Variants in GUCY2D observed in about 807,000 individuals in gnomAD.
The protein encoded by GUCY2D is guanylate cyclase 2D, retinal, also known as retinal guanylyl cyclase 1.
In GUCY2D, 70 loss-of-function variants were observed where a neutral mutation model predicts 101.3. That is an observed-to-expected ratio of 0.69 (90% CI 0.57 to 0.84). GUCY2D has a LOEUF of 0.84. Ranked by LOEUF, GUCY2D falls within the 40% of genes least tolerant of loss-of-function variation. The probability of loss-of-function intolerance (pLI) is 0.00; values close to 1 mark genes in which losing one functional copy is unlikely to be tolerated. For synonymous variants in GUCY2D, 688 were observed against 670.7 expected (o/e 1.03, Z -0.40); for missense variants, 1,460 against 1,542.5 (o/e 0.95, Z 0.90).
chr17:8,016,695 G>C, intron 19 of GUCY2D, 141 bp downstream of exon 19: 1 of 595,326 alleles, frequency 1.7e-6, no homozygotes, highest in East Asian at 2.8e-5. Context: ...TCCCCTGGGA[G>C]GGAAGCAGCC....
intron 17 of GUCY2D, 27 bp from the exon 18 acceptor site, chr17:8,016,178 G>T: frequency 6.6e-7 from 1 of 1,506,630 alleles, no homozygotes; most frequent in Non-Finnish European, 9.1e-7. Context: ...GTCCGCCTAA[G>T]TCCTTCCCTC....
Position 8,015,206 on chromosome 17 carries a change from TCCTTCCACTAGCAA to T in GUCY2D, c.2770-118_2770-105del, listed in dbSNP as rs1598150943. ...TTTATTCCTCCAGTCCCCAGCTCAG[TCCTTCCACTAGCAA>T]CCTGGTTCTGCACTAACCCCAGGTG... is the stretch of plus-strand genomic sequence containing the variant. On this transcript the variant is annotated intron_variant, in intron 14 of 19. Coordinates refer to ENST00000254854, the MANE Select transcript of GUCY2D (RefSeq NM_000180.4). 16 of 1,097,910 alleles carry T rather than the reference TCCTTCCACTAGCAA, an allele frequency of 1.5e-5. No homozygotes were observed. The East Asian group carries it at 4.0e-4, about 27-fold the overall frequency. 68.0% of individuals were successfully genotyped at this position (1,097,910 alleles called of 1,614,324 possible).
In GUCY2D at chr17:8,003,231, T is replaced by C; in HGVS notation, c.184T>C (p.Trp62Arg). ...AVFTVGVLGP[W>R]ACDPIFSRAR... The stretch of plus-strand genomic sequence containing the variant: ...GTTCACGGTGGGGGTCCTGGGCCCC[T>C]GGGCTTGCGACCCCATCTTCTCTCG... Residue 62 changes from tryptophan (W) to arginine (R), a missense_variant, in exon 2 of 20, where the codon TGG (tryptophan) becomes CGG (arginine). Around this residue, in one of 3 missense-constraint regions of GUCY2D, gnomAD observed 1,196 missense variants for 1,229.6 expected, o/e 0.97. Coordinates refer to ENST00000254854, the MANE Select transcript of GUCY2D (RefSeq NM_000180.4). 6.6e-7 allele frequency: 1 copy of C among 1,518,510 alleles called. No homozygotes were observed. The highest frequency in any genetic ancestry group is 1.4e-5 in the African/African-American group (1 of 69,418). 94.1% of individuals were successfully genotyped at this position (1,518,510 alleles called of 1,614,324 possible).
chr17:8,018,247 G>C (rs1318964045), intron 19 of GUCY2D, among the ~76,000 whole-genome samples: 1 of 152,190 alleles, frequency 6.6e-6, no homozygotes, highest in African/African-American at 2.4e-5. Flanking sequence ...GACAGTGAGA[G>C]GGAATTCCGG....
rs770358984 is a variant in GUCY2D, at chr17:8,014,057, G to C, written c.2412+29G>C. 2 of 1,603,890 alleles carry C rather than the reference G, an allele frequency of 1.2e-6. No individual in the cohort carries two copies. The highest frequency in any genetic ancestry group is 1.7e-6 in the Non-Finnish European group (2 of 1,174,588). On this transcript the variant is annotated intron_variant, in intron 12 of 19. Coordinates refer to ENST00000254854, the MANE Select transcript of GUCY2D (RefSeq NM_000180.4). This position sits in a 1 kb window ranked among gnomAD's most constrained non-coding sequence, Gnocchi z 4.0. ...AGGGGCTGGGAGTGGGCAAGGACTG[G>C]GCTGGCCTCTGGGATCCCAGATGCT...
In GUCY2D at chr17:8,012,529, T is replaced by C; in HGVS notation, c.2036T>C (p.Val679Ala). 6.2e-7 allele frequency: 1 copy of C among 1,613,978 alleles called. No homozygotes were observed. Among genetic ancestry groups the C allele is most frequent in the Non-Finnish European group, 8.5e-7 (1 of 1,179,910 alleles). ...SRNCIVDGRF[V>A]LKITDHGHGR... ...AACTGCATAGTGGATGGCAGATTCG[T>C]ACTCAAGATCACTGACCACGGCCAC... The change falls in exon 10 of 20, where the codon GTA (valine) becomes GCA (alanine). Residue 679 changes from valine to alanine, a missense_variant. By Grantham distance (64) the Val-to-Ala change is moderately conservative (BLOSUM62 0). Coordinates refer to ENST00000254854, the MANE Select transcript of GUCY2D (RefSeq NM_000180.4).
intron 19 of GUCY2D, among the ~76,000 whole-genome samples, chr17:8,018,716 C>T (rs1216203894): frequency 2.6e-5 from 4 of 152,094 alleles, no homozygotes; most frequent in Non-Finnish European, 4.4e-5. Context: ...CCACAGACTC[C>T]GAGACACCAA....
chr17:8,014,187 A>AT lies in GUCY2D; in HGVS notation c.2412+161dup, dbSNP rs1782843835. ...TGAAGACTCGGAGTTTGGGGGCAGAATTGGAATGGGGGCTGTGGAGGCTTT... is the reference window on the plus strand; with the variant it reads ...TGAAGACTCGGAGTTTGGGGGCAGAATTTGGAATGGGGGCTGTGGAGGCTTT... On this transcript the variant is annotated intron_variant, in intron 12 of 19. Transcript: ENST00000254854. The surrounding 1 kb of genome is among the most constrained non-coding windows in gnomAD (Gnocchi z 4.0). 1 of 717,058 alleles carries AT rather than the reference A, an allele frequency of 1.4e-6. No homozygotes were observed. The allele number at this position is 717,058 out of a possible 1,614,324, so 44.4% of individuals were successfully genotyped here.
Position 8,014,515 on chromosome 17 carries a change from C to T in GUCY2D, c.2413-86C>T. ...GGGGTTGGGGTTCAGAGTGAACAGC[C>T]CCATGAGAGGGCCCATGAGGGGGGC... On this transcript the variant is annotated intron_variant, in intron 12 of 19. Transcript: ENST00000254854. The surrounding 1 kb of genome is among the most constrained non-coding windows in gnomAD (Gnocchi z 4.0). The T allele has an allele frequency of 7.9e-7, 1 of 1,267,144 alleles. No individual in the cohort carries two copies. Among genetic ancestry groups the T allele is most frequent in the African/African-American group, 1.5e-5 (1 of 68,378 alleles). The allele number at this position is 1,267,144 out of a possible 1,614,324, so 78.5% of individuals were successfully genotyped here. A position where few individuals can be genotyped will look rare whatever the true frequency, so the allele number is the denominator to read the frequency against.
In GUCY2D at chr17:8,014,534, G is replaced by A; in HGVS notation, c.2413-67G>A. The A allele has an allele frequency of 2.1e-6, 3 of 1,447,140 alleles. No individual in the cohort carries two copies. The highest frequency in any genetic ancestry group is 2.3e-5 in the East Asian group (1 of 44,096). The allele number at this position is 1,447,140 out of a possible 1,614,324, so 89.6% of individuals were successfully genotyped here. The stretch of plus-strand genomic sequence containing the variant: ...AACAGCCCCATGAGAGGGCCCATGA[G>A]GGGGGCATAAAGAGGGCATGGCAAC... On this transcript the variant is annotated intron_variant, in intron 12 of 19. Transcript: ENST00000254854. This position sits in a 1 kb window ranked among gnomAD's most constrained non-coding sequence, Gnocchi z 4.0.
Position 8,016,522 on chromosome 17 carries a change from T to C in GUCY2D, c.3304T>C (p.Phe1102Leu). ...RKLEKARPGQ[F>L]S The stretch of plus-strand genomic sequence containing the variant: ...GCTGGAGAAGGCGCGGCCGGGCCAG[T>C]TCTCTTGAGAAGTGAGGCCCGGCCC... The change falls in exon 19 of 20, where the codon TTC (phenylalanine) becomes CTC (leucine). Residue 1102 changes from phenylalanine to leucine, a missense_variant. Coordinates refer to ENST00000254854, the MANE Select transcript of GUCY2D (RefSeq NM_000180.4). The C allele has an allele frequency of 6.4e-7, 1 of 1,563,630 alleles. No homozygotes were observed.
In GUCY2D at chr17:8,015,915, C is replaced by T; in HGVS notation, c.3044-12C>T. ...GTGAGTCCCGAGCTCACGGCGTCCC[C>T]CACCGCCACAGCTTACCGCATCCAC... On this transcript the variant is annotated splice_polypyrimidine_tract_variant and intron_variant, in intron 16 of 19. Coordinates refer to ENST00000254854, the MANE Select transcript of GUCY2D (RefSeq NM_000180.4). 1 of 1,605,682 alleles carries T rather than the reference C, an allele frequency of 6.2e-7. No individual in the cohort carries two copies. Among genetic ancestry groups the T allele is most frequent in the Non-Finnish European group, 8.5e-7 (1 of 1,176,038 alleles).
intron 7 of GUCY2D, among the ~76,000 whole-genome samples, chr17:8,008,828 CA>C (rs1320730418): frequency 6.6e-6 from 1 of 152,240 alleles, no homozygotes; most frequent in Non-Finnish European, 1.5e-5. Context: ...CATTTATTTC[CA>C]AATGCTCCTT....
rs571236000 is a variant in GUCY2D, at chr17:8,014,739, C to A, written c.2551C>A (p.Arg851=). 1 of 1,391,990 alleles carries A rather than the reference C, an allele frequency of 7.2e-7. No individual in the cohort carries two copies. Among genetic ancestry groups the A allele is most frequent in the Non-Finnish European group, 9.6e-7 (1 of 1,040,368 alleles). The allele number at this position is 1,391,990 out of a possible 1,614,324, so 86.2% of individuals were successfully genotyped here. ...GGAGCTGGAAAAGCAGAAGACAGAC[C>A]GGCTGCTTACACAGATGCTGCCTCC... The part of the protein sequence containing the change: ...ELELEKQKTD[R]LLTQMLPPSV... The change falls in exon 13 of 20, where the codon CGG becomes AGG. Residue 851 remains arginine (R), a synonymous_variant. Transcript: ENST00000254854. The surrounding 1 kb of genome is among the most constrained non-coding windows in gnomAD (Gnocchi z 4.0).
chr17:8,010,144 G>A (rs1017764103), intron 8 of GUCY2D, among the ~76,000 whole-genome samples: 10 of 152,130 alleles, frequency 6.6e-5, no homozygotes, highest in African/African-American at 2.4e-4. Flanking sequence ...TAAGCTGAGT[G>A]AGGGCCTCCT....
At position 8,002,663 on chromosome 17, in the gene GUCY2D, C is replaced by A. The variant is rs1021857627; in HGVS notation, c.-81C>A. 1.9e-5 allele frequency: 4 copies of A among 214,706 alleles called. No homozygotes were observed. Among genetic ancestry groups the A allele is most frequent in the Non-Finnish European group, 3.7e-5 (4 of 108,926 alleles). The allele number at this position is 214,706 out of a possible 1,614,324, so 13.3% of individuals were successfully genotyped here. ...TGGGCTGGCAAGGAAGACCTGTGGG[C>A]GGGCGTCAAAAGGGGGACCGGCCCT... On this transcript the variant is annotated 5_prime_UTR_variant, in exon 1 of 20. Coordinates refer to ENST00000254854, the MANE Select transcript of GUCY2D (RefSeq NM_000180.4). The surrounding 1 kb of genome is among the most constrained non-coding windows in gnomAD (Gnocchi z 4.9).
intron 6 of GUCY2D, 118 bp from the exon 7 acceptor site, chr17:8,007,813 C>T (rs1975775234): frequency 1.4e-6 from 1 of 726,050 alleles, no homozygotes; most frequent in Non-Finnish European, 2.5e-6. Flanking sequence ...TTATCACCTT[C>T]CCTCATTGAG....
rs1270430352 is a variant in GUCY2D at position 8,012,186 on chromosome 17, C to A, written c.1792C>A (p.Leu598Ile). ...TGAGAACGTGGCCCTCTACCTGGGG[C>A]TTTTCCTGGCTCGGGGAGCAGAAGG... Reference protein sequence around the residue: ...RHENVALYLGLFLARGAEGPA... With the variant: ...RHENVALYLGIFLARGAEGPA... Residue 598 changes from leucine to isoleucine, a missense_variant, in exon 9 of 20, where the codon CTT (leucine) becomes ATT (isoleucine). Around this residue, in one of 3 missense-constraint regions of GUCY2D, gnomAD observed 1,196 missense variants for 1,229.6 expected, o/e 0.97. Coordinates refer to ENST00000254854, the MANE Select transcript of GUCY2D (RefSeq NM_000180.4). 6.2e-7 allele frequency: 1 copy of A among 1,614,006 alleles called. No homozygotes were observed. The highest frequency in any genetic ancestry group is 1.3e-5 in the African/African-American group (1 of 74,938).
In GUCY2D at chr17:8,011,432, G is replaced by C. The variant is rs1598148640; in HGVS notation, c.1750-712G>C. Reference sequence around the variant, plus strand: ...AAAGAAAGTGGCACCGCTCCTCCCTGGCTCTCCCAGCAAAGGCTGTTAAAT... The same window carrying C: ...AAAGAAAGTGGCACCGCTCCTCCCTCGCTCTCCCAGCAAAGGCTGTTAAAT... On this transcript the variant is annotated intron_variant, in intron 8 of 19. Coordinates refer to ENST00000254854, the MANE Select transcript of GUCY2D (RefSeq NM_000180.4). This position sits in a 1 kb window ranked among gnomAD's most constrained non-coding sequence, Gnocchi z 4.3. 6.6e-6 allele frequency among the ~76,000 whole-genome samples: 1 copy of C among 152,224 alleles called. No individual in the cohort carries two copies. The highest frequency in any genetic ancestry group is 1.9e-4 in the East Asian group (1 of 5,182).
Sources: gnomAD v4.1 joint callset for allele counts (sites outside exome capture counted in the v4.1 genomes callset) on GRCh38, gnomAD v4.1.1 for gene constraint, gnomAD v4.1.1 regional missense constraint, Gnocchi (gnomAD v3.1) non-coding constraint, MANE v1.5 for transcripts, NCBI Gene and HGNC (gene_info 2026-07-23, HGNC 2026-07-21) for gene names.